Variants in TUBGCP6 observed in about 807,000 individuals in gnomAD.
The protein encoded by TUBGCP6 is tubulin gamma complex component 6, also known as gamma-tubulin complex component 6.
Under a neutral mutation model 175.8 loss-of-function variants are expected in TUBGCP6, and 161 were observed. That is an observed-to-expected ratio of 0.92 (90% confidence interval 0.81 to 1.04). TUBGCP6 has a LOEUF of 1.04. Among genes scored for constraint, TUBGCP6 ranks in the 50% least tolerant of loss-of-function variants. The pLI, the probability that TUBGCP6 is intolerant of heterozygous loss-of-function variation, is 0.00. For synonymous variants in TUBGCP6, 1,173 were observed against 1,030.5 expected (o/e 1.14, Z -2.65); for missense variants, 2,572 against 2,433.0 (o/e 1.06, Z -1.20).
rs2064451653 is a variant in TUBGCP6 at position 50,218,249 on chromosome 22, A to G, written c.5108T>C (p.Val1703Ala). 1 of 1,613,028 alleles carries G rather than the reference A, an allele frequency of 6.2e-7. No individual in the cohort carries two copies. ...ACGCTGGATCTCCTCCAGGTCGCCCACGGTGGCCAACCTGGCCCTGAACTC... is the reference window on the plus strand; with the variant it reads ...ACGCTGGATCTCCTCCAGGTCGCCCGCGGTGGCCAACCTGGCCCTGAACTC... ...WCEFRARLAT[V>A]GDLEEIQRAH... The change falls in exon 23 of 25, where the codon GTG (valine) becomes GCG (alanine). Residue 1703 changes from valine to alanine, a missense_variant. Physicochemically the swap from Val to Ala is moderately conservative, Grantham distance 64. Transcript: ENST00000248846.
intron 1 of TUBGCP6, among the ~76,000 whole-genome samples, chr22:50,241,347 G>A (rs1440257092): frequency 6.6e-6 from 1 of 152,116 alleles, no homozygotes; most frequent in African/African-American, 2.4e-5. Flanking sequence ...GCGGACCTTG[G>A]TCTAGCGGTA....
At chr22:50,237,218 G>GA (rs1238295842) in intron 2 of TUBGCP6, among the ~76,000 whole-genome samples, 4 of 152,368 alleles carry the variant, frequency 2.6e-5, no homozygotes, top group African/African-American at 9.6e-5. Flanking sequence ...AACAGCAGGG[G>GA]CGAGTGGCCC....
Position 50,224,237 on chromosome 22 carries a change from T to A in TUBGCP6, c.2174A>T (p.Gln725Leu). Residue 725 changes from glutamine to leucine, a missense_variant, in exon 13 of 25, where the codon CAG becomes CTG. Gln to Leu is a moderately radical substitution (Grantham distance 113, BLOSUM62 -2). Coordinates refer to ENST00000248846, the MANE Select transcript of TUBGCP6 (RefSeq NM_020461.4). ...KDQERRQAAR[Q>L]EELDDDFSYA... Reference sequence around the variant, plus strand: ...GCTGAAGTCATCATCCAGCTCCTCCTGCCTGGCCGCCTGGCGTCGCTATAA... The same window carrying A: ...GCTGAAGTCATCATCCAGCTCCTCCAGCCTGGCCGCCTGGCGTCGCTATAA... The A allele has an allele frequency of 6.2e-7, 1 of 1,614,150 alleles. No individual in the cohort carries two copies. The highest frequency in any genetic ancestry group is 8.5e-7 in the Non-Finnish European group (1 of 1,180,032).
Position 50,224,220 on chromosome 22 carries a change from C to T in TUBGCP6, c.2191G>A (p.Asp731Asn). The T allele has an allele frequency of 1.2e-6, 2 of 1,614,162 alleles. No homozygotes were observed. Among genetic ancestry groups the T allele is most frequent in the Non-Finnish European group, 1.7e-6 (2 of 1,180,038 alleles). ...QAARQEELDD[D>N]FSYARELRDR... ...CGGAGTTCACGGGCGTAGCTGAAGT[C>T]ATCATCCAGCTCCTCCTGCCTGGCC... Residue 731 changes from aspartate (D) to asparagine (N), a missense_variant, in exon 13 of 25, where the codon GAC becomes AAC. Asp to Asn is a conservative substitution (Grantham distance 23, BLOSUM62 1). Coordinates refer to ENST00000248846, the MANE Select transcript of TUBGCP6 (RefSeq NM_020461.4).
intron 1 of TUBGCP6, among the ~76,000 whole-genome samples, chr22:50,242,539 A>G (rs1470048355): frequency 6.6e-6 from 1 of 152,252 alleles, no homozygotes; most frequent in East Asian, 1.9e-4. Context: ...CATTTGCTGT[A>G]GCATTATGTA....
rs745964357 is a variant in TUBGCP6 at position 50,226,383 on chromosome 22, A to G, written c.1602-5T>C. 48 of 1,598,670 alleles carry G rather than the reference A, an allele frequency of 3.0e-5. 1 individual carries two copies. In the Admixed American group the frequency reaches 8.5e-4, roughly 28 times the overall value. On this transcript the variant is annotated splice_region_variant and splice_polypyrimidine_tract_variant and intron_variant, in intron 7 of 24. Transcript: ENST00000248846. Reference sequence around the variant, plus strand: ...TACACCCAGTCGTGGATGAACCTGCAGTGGGGGAAAAGCAGGGGTAGATGT... The same window carrying G: ...TACACCCAGTCGTGGATGAACCTGCGGTGGGGGAAAAGCAGGGGTAGATGT...
intron 2 of TUBGCP6, among the ~76,000 whole-genome samples, chr22:50,234,143 T>TATCCACAGCAGCATCACCCACACCC (rs1569122368): frequency 2.2e-5 from 3 of 139,456 alleles, no homozygotes; most frequent in Non-Finnish European, 3.1e-5. Context: ...TCCACACCCC[T>TATCCACAGCAGCATCACCCACACCC]ATCCACAGCA....
intron 15 of TUBGCP6, 68 bp downstream of exon 15, chr22:50,221,960 G>A: frequency 6.2e-7 from 1 of 1,600,326 alleles, no homozygotes; most frequent in Non-Finnish European, 8.5e-7. Context: ...CTGCAGCCAT[G>A]ACCAACACCA....
At position 50,234,337 on chromosome 22, in the gene TUBGCP6, G is replaced by GCATTCACACCCAGGTACACGGCAGCAT. The variant is rs2064735523; in HGVS notation, c.906-812_906-811insATGCTGCCGTGTACCTGGGTGTGAATG. Among the ~76,000 whole-genome samples, 3 of 82,360 alleles carry GCATTCACACCCAGGTACACGGCAGCAT rather than the reference G, an allele frequency of 3.6e-5. 1 individual carries two copies. Among genetic ancestry groups the GCATTCACACCCAGGTACACGGCAGCAT allele is most frequent in the Non-Finnish European group, 6.9e-5 (3 of 43,494 alleles). The allele number at this position is 82,360 out of a possible 152,430, so 54.0% of individuals were successfully genotyped here. A position where few individuals can be genotyped will look rare whatever the true frequency, so the allele number is the denominator to read the frequency against. On this transcript the variant is annotated intron_variant, in intron 2 of 24. Coordinates refer to ENST00000248846, the MANE Select transcript of TUBGCP6 (RefSeq NM_020461.4). The stretch of plus-strand genomic sequence containing the variant: ...ATCATCCACACCCCTGTCCACAGCA[G>GCATTCACACCCAGGTACACGGCAGCAT]CATCCACACCCCTGTCCACAGCAGC...
At chr22:50,234,626 C>T (rs1314661172) in intron 2 of TUBGCP6, among the ~76,000 whole-genome samples, 5 of 140,408 alleles carry the variant, frequency 3.6e-5, no homozygotes, top group African/African-American at 1.3e-4. Context: ...ACAGCAGCAT[C>T]ATCCACACCC....
chr22:50,232,542 G>C (rs1054354445), intron 3 of TUBGCP6, among the ~76,000 whole-genome samples: 3 of 151,774 alleles, frequency 2.0e-5, no homozygotes, highest in Middle Eastern at 3.4e-3. Context: ...CTGGGCAAGA[G>C]AGAGACCCTG....
At chr22:50,227,683 C>A (rs1433204356) in intron 5 of TUBGCP6, among the ~76,000 whole-genome samples, 1 of 152,218 alleles carries the variant, frequency 6.6e-6, no homozygotes, top group African/African-American at 2.4e-5. Flanking sequence ...AGCCACCGGA[C>A]CTGGAGGGCC....
intron 1 of TUBGCP6, 59 bp downstream of exon 1, chr22:50,243,660 C>T: frequency 1.7e-6 from 2 of 1,173,904 alleles, no homozygotes; most frequent in Middle Eastern, 2.1e-4. Context: ...GAAGAAAGGT[C>T]ACAGGAAGCA....
At position 50,244,531 on chromosome 22, in the gene TUBGCP6, A is replaced by G. The variant is rs534790545; in HGVS notation, c.-72T>C. On this transcript the variant is annotated 5_prime_UTR_variant, in exon 1 of 25. Coordinates refer to ENST00000248846, the MANE Select transcript of TUBGCP6 (RefSeq NM_020461.4). The stretch of plus-strand genomic sequence containing the variant: ...CCGGGCTTCACTCACGCTCCGGAAG[A>G]CAGGGAGTGAGAGAGGGTCCGAAGA... The G allele has an allele frequency of 6.7e-7, 1 of 1,497,454 alleles. No homozygotes were observed. Among genetic ancestry groups the G allele is most frequent in the South Asian group, 1.3e-5 (1 of 77,084 alleles). 92.8% of individuals were successfully genotyped at this position (1,497,454 alleles called of 1,614,324 possible).
At chr22:50,234,813 C>T (rs1221788212) in intron 2 of TUBGCP6, among the ~76,000 whole-genome samples, 3 of 147,520 alleles carry the variant, frequency 2.0e-5, no homozygotes, top group Non-Finnish European at 4.4e-5. Context: ...CAGCATCATC[C>T]ACACCCCCTG....
Position 50,220,477 on chromosome 22 carries a change from T to C in TUBGCP6, c.3882A>G (p.Gln1294=), listed in dbSNP as rs182155017. The stretch of plus-strand genomic sequence containing the variant: ...GGGACGTGTGGCCAGGGGGGCTCTG[T>C]TGGGGCCTGGGTGTGTTGGGCTCAG... ...PEAEPNTPRP[Q]QSPPGHTSQS... The change falls in exon 16 of 25, where the codon CAA becomes CAG. Residue 1294 remains glutamine, a synonymous_variant. Coordinates refer to ENST00000248846, the MANE Select transcript of TUBGCP6 (RefSeq NM_020461.4). 149 of 1,613,216 alleles carry C rather than the reference T, an allele frequency of 9.2e-5. 1 individual carries two copies. The highest frequency in any genetic ancestry group is 8.5e-6 in the Non-Finnish European group (10 of 1,179,960).
chr22:50,236,537 C>T (rs374319532), intron 2 of TUBGCP6, among the ~76,000 whole-genome samples: 4 of 152,196 alleles, frequency 2.6e-5, no homozygotes, highest in African/African-American at 9.7e-5. Context: ...GGTGCTGAGG[C>T]TGTGAAACCA....
At position 50,220,771 on chromosome 22, in the gene TUBGCP6, G is replaced by T; in HGVS notation, c.3588C>A (p.Ile1196=). ...NTHGHVSDAS[I]SLGESVSDMA... ...TGTCTGACACAGACTCCCCCAAGCTGATGCTGGCATCAGACACGTGTCCAT... is the reference window on the plus strand; with the variant it reads ...TGTCTGACACAGACTCCCCCAAGCTTATGCTGGCATCAGACACGTGTCCAT... The change falls in exon 16 of 25, where the codon ATC becomes ATA. Residue 1196 remains isoleucine, a synonymous_variant. Coordinates refer to ENST00000248846, the MANE Select transcript of TUBGCP6 (RefSeq NM_020461.4). 6.2e-7 allele frequency: 1 copy of T among 1,603,462 alleles called. No individual in the cohort carries two copies. The highest frequency in any genetic ancestry group is 2.3e-5 in the East Asian group (1 of 43,662).
Position 50,226,053 on chromosome 22 carries a change from G to C in TUBGCP6, c.1830C>G (p.Pro610=). ...CCACACATGAGCCCCTCCTCACCCG[G>C]GGGCAGCAGAGCTTCAGCAGGTTAA... ...KTINLLKLCC[P]RHYLCWSDVP... Residue 610 remains proline (P), a synonymous_variant, in exon 9 of 25, where the codon CCC becomes CCG. Coordinates refer to ENST00000248846, the MANE Select transcript of TUBGCP6 (RefSeq NM_020461.4). 6.2e-7 allele frequency: 1 copy of C among 1,614,144 alleles called. No individual in the cohort carries two copies.
Sources: gnomAD v4.1 joint callset for allele counts (sites outside exome capture counted in the v4.1 genomes callset) on GRCh38, gnomAD v4.1.1 for gene constraint, MANE v1.5 for transcripts, NCBI Gene and HGNC (gene_info 2026-07-23, HGNC 2026-07-21) for gene names.